The following FKBP5 variants were observed in gnomAD, a reference collection of about 807,000 sequenced individuals.
FKBP5 encodes the protein peptidyl-prolyl cis-trans isomerase FKBP5.
A neutral mutation model predicts 50.5 loss-of-function variants in FKBP5; 23 were observed. The ratio of observed to expected loss-of-function variants is 0.46; its 90% CI spans 0.33 to 0.65. The LOEUF is 0.65. Ranked by LOEUF, FKBP5 falls within the 30% of genes least tolerant of loss-of-function variation. The pLI is 0.02. For missense variants in FKBP5, 411 were observed against 553.1 expected, an observed-to-expected ratio of 0.74 and a Z score of 2.58; for synonymous variants, 176 against 190.6, an observed-to-expected ratio of 0.92 and a Z score of 0.63.
At chr6:35,715,621 C>T (rs1766497811) in intron 2 of FKBP5, among the ~76,000 whole-genome samples, 1 of 152,210 alleles carries the variant, frequency 6.6e-6, no homozygotes, top group African/African-American at 2.4e-5. Flanking sequence ...TACACCAGTA[C>T]AGCAAGCTGA....
At chr6:35,649,122 G>A (rs1026088044) in intron 1 of FKBP5, among the ~76,000 whole-genome samples, 1 of 151,696 alleles carries the variant, frequency 6.6e-6, no homozygotes, top group African/African-American at 2.4e-5. Context: ...GTGGTGGCGA[G>A]CGCCTGTAGT....
At chr6:35,704,278 G>C (rs1766240620) in intron 2 of FKBP5, among the ~76,000 whole-genome samples, 1 of 152,192 alleles carries the variant, frequency 6.6e-6, no homozygotes, top group Non-Finnish European at 1.5e-5. Context: ...AAGTAATTGA[G>C]AGCCCAGAGA....
chr6:35,722,194 G>A (rs199685071), intron 1 of FKBP5, among the ~76,000 whole-genome samples: 1 of 151,200 alleles, frequency 6.6e-6, no homozygotes, highest in East Asian at 1.9e-4. Flanking sequence ...TTTATGGCCT[G>A]TCCCCTTCCC....
chr6:35,580,276 A>AAAGC (rs1762384433), intron 8 of FKBP5, 55 bp from the exon 9 acceptor site: 1 of 1,428,702 alleles, frequency 7.0e-7, no homozygotes, highest in Admixed American at 1.9e-5. Context: ...GTACAAAAGA[A>AAAGC]AAGCAAATCC....
chr6:35,707,349 T>C (rs1426237847), intron 2 of FKBP5, among the ~76,000 whole-genome samples: 1 of 151,698 alleles, frequency 6.6e-6, no homozygotes. Flanking sequence ...CCCGAGTAGC[T>C]GGGATTACAG....
intron 6 of FKBP5, among the ~76,000 whole-genome samples, chr6:35,595,019 C>A (rs147469374): frequency 1.2e-4 from 18 of 152,276 alleles, no homozygotes; most frequent in African/African-American, 4.3e-4. Context: ...TCACACACTG[C>A]GGGCTCATGT....
intron 1 of FKBP5, among the ~76,000 whole-genome samples, chr6:35,648,562 G>A (rs559920563): frequency 1.3e-5 from 2 of 152,092 alleles, no homozygotes; most frequent in Admixed American, 6.5e-5. Flanking sequence ...TATTAAGAGT[G>A]AGCCACCACA....
chr6:35,695,665 G>A (rs936404741), intron 2 of FKBP5, among the ~76,000 whole-genome samples: 4 of 152,078 alleles, frequency 2.6e-5, no homozygotes, highest in Non-Finnish European at 5.9e-5. Flanking sequence ...AAGGTTGCAG[G>A]ATACAAGATA....
chr6:35,696,972 T>C (rs1484261980), intron 2 of FKBP5, among the ~76,000 whole-genome samples: 1 of 152,192 alleles, frequency 6.6e-6, no homozygotes, highest in Non-Finnish European at 1.5e-5. Context: ...GGAATTTTCA[T>C]GCATTGCTGG....
chr6:35,618,059 C>T (rs1763713385), intron 5 of FKBP5, among the ~76,000 whole-genome samples: 1 of 152,090 alleles, frequency 6.6e-6, no homozygotes, highest in East Asian at 1.9e-4. Context: ...TATTTGAGTC[C>T]TAAAAGGGAT....
rs565722382 is a variant in FKBP5, at chr6:35,682,230, A to T, written c.-20+6574T>A. ...CTGTTTTTATTGTCTTGCTTTTTTA[A>T]AAAAGTTAAACATGGAAAAACTTAA... On this transcript the variant is annotated intron_variant, in intron 1 of 10. Coordinates refer to ENST00000357266, the MANE Select transcript of FKBP5 (RefSeq NM_004117.4). Among the ~76,000 whole-genome samples the T allele has an allele frequency of 2.6e-5, 4 of 152,344 alleles. No individual in the cohort carries two copies. The East Asian group carries it at 7.7e-4, about 29-fold the overall frequency.
intron 1 of FKBP5, among the ~76,000 whole-genome samples, chr6:35,680,241 A>G (rs1264675641): frequency 6.6e-6 from 1 of 152,158 alleles, no homozygotes; most frequent in African/African-American, 2.4e-5. Context: ...GACCAGCCTG[A>G]GCAACACAGC....
At chr6:35,584,677 T>C in intron 8 of FKBP5, 1 of 985,480 alleles carries the variant, frequency 1.0e-6, no homozygotes. Flanking sequence ...AAGTTTTTAG[T>C]GGTACAAAAT....
At chr6:35,584,462 G>A (rs1298795726) in intron 8 of FKBP5, 1 of 985,300 alleles carries the variant, frequency 1.0e-6, no homozygotes, top group Non-Finnish European at 1.2e-6. Flanking sequence ...CTACACATCT[G>A]GACTCTGTGC....
chr6:35,668,279 G>A (rs554329465), intron 1 of FKBP5, among the ~76,000 whole-genome samples: 44 of 152,272 alleles, frequency 2.9e-4, no homozygotes, highest in Admixed American at 9.2e-4. Flanking sequence ...ACAGCATCCC[G>A]GGACTTTCCT....
chr6:35,649,806 T>A (rs912614805), intron 1 of FKBP5, among the ~76,000 whole-genome samples: 1 of 152,162 alleles, frequency 6.6e-6, no homozygotes, highest in African/African-American at 2.4e-5. Context: ...ATAGCATGGA[T>A]CAGTTCATCA....
At chr6:35,701,238 T>TG (rs1156587077) in intron 2 of FKBP5, among the ~76,000 whole-genome samples, 2 of 149,720 alleles carry the variant, frequency 1.3e-5, no homozygotes, top group East Asian at 1.9e-4. Flanking sequence ...TTTTTGTTTT[T>TG]TGTTTTTTTG....
intron 2 of FKBP5, among the ~76,000 whole-genome samples, chr6:35,641,126 A>T (rs946271402): frequency 2.6e-5 from 4 of 152,162 alleles, no homozygotes; most frequent in Admixed American, 1.3e-4. Flanking sequence ...CTACAGGTAC[A>T]TGCCACTATG....
intron 2 of FKBP5, among the ~76,000 whole-genome samples, chr6:35,715,771 A>C (rs4711429): frequency 6.6e-6 from 1 of 152,158 alleles, no homozygotes. Context: ...GGGAGCCTGT[A>C]AAGGGCTCTA....
Sources: gnomAD v4.1 joint callset for allele counts (sites outside exome capture counted in the v4.1 genomes callset) on GRCh38, gnomAD v4.1.1 for gene constraint, MANE v1.5 for transcripts, NCBI Gene and HGNC (gene_info 2026-07-23, HGNC 2026-07-21) for gene names.